Variants in HTR1F observed in about 807,000 individuals in gnomAD.
HTR1F encodes 5-hydroxytryptamine receptor 1F.
Under a neutral mutation model 24.0 loss-of-function variants are expected in HTR1F, and 17 were observed. The ratio of observed to expected loss-of-function variants is 0.71; its 90% confidence interval spans 0.48 to 1.06. HTR1F has a LOEUF of 1.06. Among genes scored for constraint, HTR1F ranks in the 50% least tolerant of loss-of-function variants. HTR1F has a pLI of 0.00. For synonymous variants in HTR1F, 186 were observed against 156.8 expected, an observed-to-expected ratio of 1.19 and a Z score of -1.39; for missense variants, 391 against 427.8, an observed-to-expected ratio of 0.91 and a Z score of 0.76.
chr3:87,818,029 T>C (rs1256602738), intron 1 of HTR1F, among the ~76,000 whole-genome samples: 1 of 152,230 alleles, frequency 6.6e-6, no homozygotes, highest in East Asian at 1.9e-4. Flanking sequence ...GTTATTGTAA[T>C]TTATCCTTGG....
intron 2 of HTR1F, among the ~76,000 whole-genome samples, chr3:87,899,026 A>G (rs543241883): frequency 6.6e-6 from 1 of 152,332 alleles, no homozygotes; most frequent in African/African-American, 2.4e-5. Context: ...CACAGAATAT[A>G]TTAACATGCT....
At chr3:87,922,665 G>A (rs1460669945) in intron 2 of HTR1F, among the ~76,000 whole-genome samples, 1 of 151,956 alleles carries the variant, frequency 6.6e-6, no homozygotes, top group Non-Finnish European at 1.5e-5. Context: ...GGTCTTACAT[G>A]TAAGTCTTCA....
chr3:87,795,511 C>T (rs1324559746), intron 1 of HTR1F, among the ~76,000 whole-genome samples: 1 of 151,916 alleles, frequency 6.6e-6, no homozygotes. Context: ...GAAAGGTGGA[C>T]GGGATGCTGT....
chr3:87,952,220 A>G (rs1704849452), intron 2 of HTR1F, among the ~76,000 whole-genome samples: 1 of 152,050 alleles, frequency 6.6e-6, no homozygotes, highest in South Asian at 2.1e-4. Context: ...TATTTTACTA[A>G]CTTGCAACAA....
At chr3:87,966,477 T>C (rs12495772) in intron 2 of HTR1F, among the ~76,000 whole-genome samples, 13,379 of 152,258 alleles carry the variant, frequency 0.088, 625 homozygotes, top group African/African-American at 0.11. Flanking sequence ...GTCTGTTGCA[T>C]GTTAAACTTC....
chr3:87,910,716 T>C (rs878957183), intron 2 of HTR1F, among the ~76,000 whole-genome samples: 1 of 151,958 alleles, frequency 6.6e-6, no homozygotes, highest in Non-Finnish European at 1.5e-5. Flanking sequence ...GAACACACAG[T>C]CAGACATAAA....
rs1226794509 is a variant in HTR1F, at chr3:87,829,060, T to TA, written c.-43+6946dup. Among the ~76,000 whole-genome samples, 1,058 of 148,016 alleles carry TA rather than the reference T, an allele frequency of 7.1e-3. 19 individuals carry two copies. Among genetic ancestry groups the TA allele is most frequent in the African/African-American group, 0.025 (988 of 40,274 alleles). On this transcript the variant is annotated intron_variant, in intron 2 of 2. Transcript: ENST00000319595. ...TCAGCATACCAAAAAAAAAAAAAGT[T>TA]AAAAAAAAAAGATCTGTCCTGTGCT...
At chr3:87,856,912 C>G (rs62267041) in intron 2 of HTR1F, among the ~76,000 whole-genome samples, 1 of 152,210 alleles carries the variant, frequency 6.6e-6, no homozygotes, top group East Asian at 1.9e-4. Context: ...TCTCAAAACA[C>G]AGTCCTTGGG....
chr3:87,876,978 TA>T (rs1164407981), intron 2 of HTR1F, among the ~76,000 whole-genome samples: 1 of 151,962 alleles, frequency 6.6e-6, no homozygotes, highest in Non-Finnish European at 1.5e-5. Flanking sequence ...TTTACTAAAA[TA>T]AAAAAAGAAA....
At chr3:87,923,316 A>C (rs1704052052) in intron 2 of HTR1F, among the ~76,000 whole-genome samples, 1 of 151,856 alleles carries the variant, frequency 6.6e-6, no homozygotes, top group African/African-American at 2.4e-5. Context: ...TTGGTATTTT[A>C]AGAGGGATCA....
intron 2 of HTR1F, among the ~76,000 whole-genome samples, chr3:87,878,218 C>T (rs1395763329): frequency 6.6e-6 from 1 of 152,032 alleles, no homozygotes; most frequent in Non-Finnish European, 1.5e-5. Context: ...CATAAGGTGT[C>T]CAGTACACAA....
At chr3:87,822,672 T>G (rs930036422) in intron 2 of HTR1F, among the ~76,000 whole-genome samples, 65 of 152,282 alleles carry the variant, frequency 4.3e-4, no homozygotes, top group African/African-American at 1.4e-3. Flanking sequence ...CTACTGCTTA[T>G]TTTGCTCAGG....
At chr3:87,802,308 C>T (rs1443960467) in intron 1 of HTR1F, among the ~76,000 whole-genome samples, 2 of 123,118 alleles carry the variant, frequency 1.6e-5, no homozygotes, top group Non-Finnish European at 3.3e-5. Context: ...CCCTTCCTTC[C>T]TTCCTTCCTC....
At chr3:87,944,037 T>C (rs1297347333) in intron 2 of HTR1F, among the ~76,000 whole-genome samples, 1 of 152,188 alleles carries the variant, frequency 6.6e-6, no homozygotes. Context: ...CCAGGGTGCG[T>C]AACCACCCAT....
chr3:87,859,380 C>G (rs1262668314), intron 2 of HTR1F, among the ~76,000 whole-genome samples: 1 of 152,132 alleles, frequency 6.6e-6, no homozygotes, highest in African/African-American at 2.4e-5. Context: ...AGCTGGTTTA[C>G]TAATATGTAG....
chr3:87,855,100 C>G (rs991573597), intron 2 of HTR1F, among the ~76,000 whole-genome samples: 7 of 152,002 alleles, frequency 4.6e-5, no homozygotes, highest in African/African-American at 1.7e-4. Context: ...CTCCACTTGC[C>G]CAGTCAATAA....
chr3:87,902,843 G>A (rs1192748753), intron 2 of HTR1F, among the ~76,000 whole-genome samples: 1 of 146,798 alleles, frequency 6.8e-6, no homozygotes, highest in Non-Finnish European at 1.5e-5. Context: ...GTGAGAATAT[G>A]CGGTGTTTGG....
intron 2 of HTR1F, among the ~76,000 whole-genome samples, chr3:87,940,668 A>G (rs1218505827): frequency 6.6e-6 from 1 of 152,218 alleles, no homozygotes; most frequent in African/African-American, 2.4e-5. Flanking sequence ...CCATATAGCC[A>G]AGACACTCGT....
At chr3:87,970,971 A>G (rs916419537) in intron 2 of HTR1F, among the ~76,000 whole-genome samples, 1 of 152,130 alleles carries the variant, frequency 6.6e-6, no homozygotes, top group African/African-American at 2.4e-5. Context: ...CTTCCTTCCT[A>G]TAGCAACTCT....
Sources: allele counts gnomAD v4.1 joint callset (sites outside exome capture counted in the v4.1 genomes callset), GRCh38; gene constraint gnomAD v4.1.1; transcripts MANE v1.5; gene names NCBI Gene and HGNC (gene_info 2026-07-23, HGNC 2026-07-21).